Variants in HNF4A observed in about 807,000 individuals in gnomAD.
The protein encoded by HNF4A is hepatocyte nuclear factor 4 alpha.
Under a neutral mutation model 52.4 loss-of-function variants are expected in HNF4A, and 15 were observed. The observed-to-expected ratio is 0.29, with a 90% CI of 0.19 to 0.44. HNF4A has a LOEUF of 0.44. Ranked by LOEUF, HNF4A falls within the 20% of genes least tolerant of loss-of-function variation. The pLI is 1.00. For missense variants in HNF4A, 479 were observed against 647.2 expected (o/e 0.74, Z 2.82); for synonymous variants, 280 against 264.4 (o/e 1.06, Z -0.57).
chr20:44,362,577 GTTGGCTAT>G (rs576813804), intron 1 of HNF4A, among the ~76,000 whole-genome samples: 328 of 152,258 alleles, frequency 2.2e-3, no homozygotes, highest in Non-Finnish European at 3.5e-3. Flanking sequence ...TGGGCAAGAT[GTTGGCTAT>G]TTGATATGTT....
chr20:44,357,617 T>C (rs144460580), intron 1 of HNF4A, among the ~76,000 whole-genome samples: 11 of 152,248 alleles, frequency 7.2e-5, no homozygotes, highest in African/African-American at 2.6e-4. Context: ...TGTCCTCATG[T>C]CTCTTCATCT....
intron 1 of HNF4A, among the ~76,000 whole-genome samples, chr20:44,394,610 C>T (rs757528083): frequency 4.6e-5 from 7 of 152,160 alleles, no homozygotes; most frequent in Admixed American, 1.3e-4. Context: ...CCCCCAGCTG[C>T]CTTTATCTCT....
intron 5 of HNF4A, 49 bp downstream of exon 5, chr20:44,414,711 G>A (rs368477748): frequency 6.4e-7 from 1 of 1,557,080 alleles, no homozygotes; most frequent in Non-Finnish European, 8.7e-7. Flanking sequence ...GGGCGGGGCA[G>A]CCAGGGGGCT....
chr20:44,402,559 G>T (rs758079111), intron 1 of HNF4A: 18 of 1,365,066 alleles, frequency 1.3e-5, no homozygotes, highest in Middle Eastern at 4.2e-4. Flanking sequence ...AGCAGATTTT[G>T]TTGCCGCTGC....
chr20:44,389,130 G>C (rs1025435152), intron 1 of HNF4A, among the ~76,000 whole-genome samples: 6 of 152,208 alleles, frequency 3.9e-5, no homozygotes, highest in Non-Finnish European at 5.9e-5. Flanking sequence ...TTGCAAAGTG[G>C]CATCTCATTG....
intron 1 of HNF4A, among the ~76,000 whole-genome samples, chr20:44,364,786 G>T (rs1372844042): frequency 6.6e-6 from 1 of 152,016 alleles, no homozygotes; most frequent in Non-Finnish European, 1.5e-5. Flanking sequence ...AATTTATTGG[G>T]ATTATATTAG....
At chr20:44,396,848 A>G (rs556126511), upstream of HNF4A, among the ~76,000 whole-genome samples, 2 of 152,350 alleles carry the variant, frequency 1.3e-5, no homozygotes, top group African/African-American at 4.8e-5. Flanking sequence ...AGTTTGGTAC[A>G]TTGGCACTGC....
chr20:44,358,654 ATCT>A (rs1183117187), intron 1 of HNF4A, among the ~76,000 whole-genome samples: 10 of 152,062 alleles, frequency 6.6e-5, no homozygotes, highest in Admixed American at 2.0e-4. Context: ...CAAACAAAAA[ATCT>A]TCTTCTGGGG....
At chr20:44,405,924 T>C in intron 1 of HNF4A, 134 bp from the exon 2 acceptor site, 1 of 834,070 alleles carries the variant, frequency 1.2e-6, no homozygotes, top group Non-Finnish European at 2.1e-6. Context: ...GGTCACTGAG[T>C]GGGGAGGTGA....
intron 1 of HNF4A, among the ~76,000 whole-genome samples, chr20:44,358,452 A>T (rs2062882443): frequency 6.6e-6 from 1 of 151,986 alleles, no homozygotes; most frequent in Non-Finnish European, 1.5e-5. Flanking sequence ...TCTACTAAAA[A>T]TACAAAAACT....
intron 6 of HNF4A, among the ~76,000 whole-genome samples, 171 bp downstream of exon 6, chr20:44,418,683 G>T (rs779187999): frequency 1.3e-5 from 2 of 152,174 alleles, no homozygotes; most frequent in East Asian, 1.9e-4. Context: ...TTTCAACTGG[G>T]TACCCCACTC....
chr20:44,425,260 G>T (rs901708325), intron 8 of HNF4A, among the ~76,000 whole-genome samples: 16 of 152,360 alleles, frequency 1.1e-4, no homozygotes, highest in Non-Finnish European at 2.1e-4. Flanking sequence ...TGGAATGACA[G>T]GTGTGAGCCG....
At chr20:44,425,860 A>G (rs1366848937) in intron 8 of HNF4A, among the ~76,000 whole-genome samples, 2 of 151,990 alleles carry the variant, frequency 1.3e-5, no homozygotes, top group African/African-American at 2.4e-5. Flanking sequence ...AGGTCTCACT[A>G]TGTTGCCCAG....
At chr20:44,376,617 C>G (rs1224569342) in intron 1 of HNF4A, among the ~76,000 whole-genome samples, 1 of 152,000 alleles carries the variant, frequency 6.6e-6, no homozygotes. Flanking sequence ...GTTGAAGCCC[C>G]TTGTCTTCCT....
chr20:44,433,789 G>T (rs1467134420), downstream of HNF4A: 1 of 152,196 alleles, frequency 6.6e-6, no homozygotes, highest in African/African-American at 2.4e-5. Context: ...ATTACAGGAG[G>T]GTGGCCTTGT....
chr20:44,412,431 C>T (rs944265117), intron 3 of HNF4A, among the ~76,000 whole-genome samples: 3 of 152,106 alleles, frequency 2.0e-5, no homozygotes, highest in African/African-American at 7.2e-5. Context: ...GAACCCCAGG[C>T]AGTGACCACA....
At chr20:44,371,817 T>C (rs6031560) in intron 1 of HNF4A, among the ~76,000 whole-genome samples, 1 of 151,988 alleles carries the variant, frequency 6.6e-6, no homozygotes, top group Non-Finnish European at 1.5e-5. Flanking sequence ...AGCAAGACCC[T>C]GTCAAAAAAA....
chr20:44,371,267 A>AT (rs147726730), intron 1 of HNF4A, among the ~76,000 whole-genome samples: 3,891 of 152,028 alleles, frequency 0.026, 189 homozygotes, highest in African/African-American at 0.089. Flanking sequence ...CTTTCAAACA[A>AT]TTTTTTTTGT....
chr20:44,409,502 A>T (rs2063550650), intron 3 of HNF4A, among the ~76,000 whole-genome samples: 1 of 152,196 alleles, frequency 6.6e-6, no homozygotes, highest in Admixed American at 6.5e-5. Context: ...GTTTGAGAGA[A>T]CAGCTCTCTC....
Sources: allele counts gnomAD v4.1 joint callset (sites outside exome capture counted in the v4.1 genomes callset), GRCh38; gene constraint gnomAD v4.1.1; transcripts MANE v1.5; gene names NCBI Gene and HGNC (gene_info 2026-07-23, HGNC 2026-07-21).